Variants in GPLD1 observed in about 807,000 individuals in gnomAD.
GPLD1 encodes the protein phosphatidylinositol-glycan-specific phospholipase D.
Under a neutral mutation model 112.6 loss-of-function variants are expected in GPLD1, and 84 were observed. That is an observed-to-expected ratio of 0.75 (90% CI 0.63 to 0.89). GPLD1 has a LOEUF of 0.89. Among genes scored for constraint, GPLD1 ranks in the 40% least tolerant of loss-of-function variants. The pLI, the probability that GPLD1 is intolerant of heterozygous loss-of-function variation, is 0.00. For missense variants in GPLD1, 1,044 were observed against 1,051.5 expected (o/e 0.99, Z 0.10); for synonymous variants, 386 against 403.8 (o/e 0.96, Z 0.53).
intron 20 of GPLD1, 86 bp from the exon 21 acceptor site, chr6:24,437,375 G>T: frequency 8.1e-7 from 1 of 1,231,198 alleles, no homozygotes; most frequent in South Asian, 1.3e-5. Flanking sequence ...AAGTGACACT[G>T]ATCACTCGGG....
intron 12 of GPLD1, among the ~76,000 whole-genome samples, chr6:24,457,116 T>C (rs1434366766): frequency 6.6e-6 from 1 of 152,150 alleles, no homozygotes. Context: ...GCAATCTACC[T>C]GCCTCGGCTC....
Position 24,428,785 on chromosome 6 carries a change from CTG to C in GPLD1, c.*245_*246del, listed in dbSNP as rs1436119048. 21 of 360,070 alleles carry C rather than the reference CTG, an allele frequency of 5.8e-5. No homozygotes were observed. The highest frequency in any genetic ancestry group is 3.5e-4 in the African/African-American group (17 of 47,990). The allele number at this position is 360,070 out of a possible 1,614,324, so 22.3% of individuals were successfully genotyped here. A position where few individuals can be genotyped will look rare whatever the true frequency, so the allele number is the denominator to read the frequency against. On this transcript the variant is annotated 3_prime_UTR_variant, in exon 25 of 25. Transcript: ENST00000230036. ...GATGCAAAGGGAGCGAGGAAGTAAACTGTGGAAGGAGACATGAGTAAGCAGAA... is the reference window on the plus strand; with the variant it reads ...GATGCAAAGGGAGCGAGGAAGTAAACTGGAAGGAGACATGAGTAAGCAGAA...
chr6:24,470,880 T>G (rs1763794860), intron 7 of GPLD1, among the ~76,000 whole-genome samples: 1 of 152,226 alleles, frequency 6.6e-6, no homozygotes, highest in Admixed American at 6.5e-5. Context: ...ATTACAGGCA[T>G]GAGCCACCGT....
At chr6:24,438,661 C>A (rs908290665) in intron 20 of GPLD1, among the ~76,000 whole-genome samples, 1 of 152,230 alleles carries the variant, frequency 6.6e-6, no homozygotes, top group African/African-American at 2.4e-5. Flanking sequence ...CTTTCTGATA[C>A]AGGGCAAACA....
At chr6:24,476,848 A>G (rs1018256211) in intron 3 of GPLD1, among the ~76,000 whole-genome samples, 56 of 152,152 alleles carry the variant, frequency 3.7e-4, no homozygotes, top group Middle Eastern at 6.3e-3. Flanking sequence ...CAAGAGGGGT[A>G]GGAAAGACAG....
chr6:24,486,019 G>T, intron 2 of GPLD1, 56 bp downstream of exon 2: 2 of 996,190 alleles, frequency 2.0e-6, no homozygotes, highest in Admixed American at 2.0e-5. Flanking sequence ...TCTTTGTTTG[G>T]CACCTATAAA....
intron 18 of GPLD1, 103 bp downstream of exon 18, chr6:24,446,735 G>T: frequency 8.9e-7 from 1 of 1,118,148 alleles, no homozygotes; most frequent in Non-Finnish European, 1.2e-6. Context: ...CAAAAGTCAA[G>T]CATTTCCTAG....
In GPLD1 at chr6:24,466,694, C is replaced by T. The variant is rs1384011928; in HGVS notation, c.807G>A (p.Leu269=). The T allele has an allele frequency of 2.5e-6, 4 of 1,612,236 alleles. No homozygotes were observed. The African/African-American group carries it at 5.3e-5, about 22-fold the overall frequency. ...TATGAATTCACCTGGTCCCATTCTC[C>T]AACATGAAGCTTGTTAGATGGTAAA... ...TNIYHLTSFM[L]ENGTSDCNLP... Residue 269 remains leucine, a synonymous_variant, in exon 10 of 25, where the codon TTG becomes TTA. Coordinates refer to ENST00000230036, the MANE Select transcript of GPLD1 (RefSeq NM_001503.4).
chr6:24,438,172 G>A (rs915444777), intron 20 of GPLD1, among the ~76,000 whole-genome samples: 1 of 152,166 alleles, frequency 6.6e-6, no homozygotes, highest in Non-Finnish European at 1.5e-5. Flanking sequence ...TGCATCAGGC[G>A]CCCATTCCAC....
chr6:24,470,069 G>A (rs1309185396), intron 7 of GPLD1, among the ~76,000 whole-genome samples: 1 of 151,978 alleles, frequency 6.6e-6, no homozygotes, highest in African/African-American at 2.4e-5. Context: ...GGGACAACCA[G>A]CTTTTGCCCT....
At position 24,426,113 on chromosome 6, in the gene GPLD1, G is replaced by A. The variant is rs1315962730; in HGVS notation, c.*2919C>T. 3 of 152,218 alleles carry A rather than the reference G, an allele frequency of 2.0e-5. No homozygotes were observed. Among genetic ancestry groups the A allele is most frequent in the African/African-American group, 4.8e-5 (2 of 41,556 alleles). 9.4% of individuals were successfully genotyped at this position (152,218 alleles called of 1,614,324 possible). ...CCTTGAGAAAAGCTGTTACATATAC[G>A]CAGATAGTAGCAAGACAGAAAATGC... is the stretch of plus-strand genomic sequence containing the variant. On this transcript the variant is annotated 3_prime_UTR_variant, in exon 25 of 25. Transcript: ENST00000230036.
intron 7 of GPLD1, among the ~76,000 whole-genome samples, chr6:24,468,609 A>G (rs1051487005): frequency 6.6e-6 from 1 of 151,154 alleles, no homozygotes; most frequent in Non-Finnish European, 1.5e-5. Flanking sequence ...GCTGGAGTGC[A>G]GTGGTGCGAT....
rs567984700 is a variant in GPLD1 at position 24,439,322 on chromosome 6, C to T, written c.2021-2033G>A. ...AGCTTTCGGAGCAAGAATTAGAAAGCCTGAATAGGGCTGCCCATTGAGACT... is the reference window on the plus strand; with the variant it reads ...AGCTTTCGGAGCAAGAATTAGAAAGTCTGAATAGGGCTGCCCATTGAGACT... On this transcript the variant is annotated intron_variant, in intron 20 of 24. Coordinates refer to ENST00000230036, the MANE Select transcript of GPLD1 (RefSeq NM_001503.4). Among the ~76,000 whole-genome samples, 9 of 151,842 alleles carry T rather than the reference C, an allele frequency of 5.9e-5. No homozygotes were observed. The South Asian group carries it at 1.5e-3, about 25-fold the overall frequency.
At chr6:24,478,693 G>A (rs921682298) in intron 3 of GPLD1, among the ~76,000 whole-genome samples, 2 of 152,138 alleles carry the variant, frequency 1.3e-5, no homozygotes, top group Non-Finnish European at 2.9e-5. Context: ...CCTTCTGTGG[G>A]GTCACAGTGG....
At chr6:24,445,175 GCAC>G (rs1323395678) in intron 20 of GPLD1, among the ~76,000 whole-genome samples, 18 of 151,946 alleles carry the variant, frequency 1.2e-4, no homozygotes, top group Non-Finnish European at 2.6e-4. Context: ...TTACAGGTAT[GCAC>G]CACCACACCT....
chr6:24,456,497 C>G lies in GPLD1; in HGVS notation c.1148+1G>C. 4 of 1,596,290 alleles carry G rather than the reference C, an allele frequency of 2.5e-6. No homozygotes were observed. Among genetic ancestry groups the G allele is most frequent in the Non-Finnish European group, 2.6e-6 (3 of 1,169,266 alleles). On this transcript the variant is annotated splice_donor_variant, in intron 13 of 24. Transcript: ENST00000230036. LOFTEE classifies it high-confidence loss of function. ...CACAAGTTAGATAAACTTATACGTA[C>G]CAGCCAAGCCTCGCATAAGGAAATG... is the stretch of plus-strand genomic sequence containing the variant.
intron 20 of GPLD1, among the ~76,000 whole-genome samples, chr6:24,440,882 C>A (rs2127324013): frequency 6.6e-6 from 1 of 152,198 alleles, no homozygotes; most frequent in Middle Eastern, 3.4e-3. Flanking sequence ...TGATTCTTTT[C>A]ACATTTAGGC....
rs1425942102 is a variant in GPLD1 at position 24,427,781 on chromosome 6, G to A, written c.*1251C>T. The stretch of plus-strand genomic sequence containing the variant: ...GAATCACTTGAACCTGGGAGGCGGA[G>A]GTTGCAGTGAGCTGAGATCACATCA... On this transcript the variant is annotated 3_prime_UTR_variant, in exon 25 of 25. Transcript: ENST00000230036. 7.0e-6 allele frequency among the ~76,000 whole-genome samples: 1 copy of A among 142,910 alleles called. No homozygotes were observed. Among genetic ancestry groups the A allele is most frequent in the Non-Finnish European group, 1.5e-5 (1 of 66,802 alleles). 93.8% of individuals were successfully genotyped at this position (142,910 alleles called of 152,430 possible).
chr6:24,449,377 G>T (rs1325349650), intron 15 of GPLD1, among the ~76,000 whole-genome samples: 1 of 152,132 alleles, frequency 6.6e-6, no homozygotes, highest in Non-Finnish European at 1.5e-5. Context: ...CAGGGTCCAG[G>T]ATCTCTAACT....
Sources: allele counts gnomAD v4.1 joint callset (sites outside exome capture counted in the v4.1 genomes callset), GRCh38; gene constraint gnomAD v4.1.1; transcripts MANE v1.5; gene names NCBI Gene and HGNC (gene_info 2026-07-23, HGNC 2026-07-21).